The following SLC38A10 variants were observed in gnomAD, a reference collection of about 807,000 sequenced individuals.
The protein encoded by SLC38A10 is Sodium-coupled neutral amino acid transporter 10.
In SLC38A10, 53 loss-of-function variants were observed where a neutral mutation model predicts 81.0. The ratio of observed to expected loss-of-function variants is 0.65; its 90% CI spans 0.53 to 0.82. The LOEUF (loss-of-function observed/expected upper bound fraction) is 0.82, where lower values mean the gene tolerates loss of function less well. SLC38A10 is among the 40% of genes least tolerant of loss of function. The pLI is 0.00. For missense variants in SLC38A10, 1,471 were observed against 1,545.0 expected, an observed-to-expected ratio of 0.95 and a Z score of 0.80; for synonymous variants, 665 against 655.3, an observed-to-expected ratio of 1.01 and a Z score of -0.23.
intron 14 of SLC38A10, among the ~76,000 whole-genome samples, chr17:81,250,479 T>C (rs1303391187): frequency 6.6e-6 from 1 of 152,240 alleles, no homozygotes; most frequent in East Asian, 1.9e-4. Context: ...ACGAACATCC[T>C]GGGAGGTGCC....
chr17:81,292,459 CA>C (rs370234099), intron 1 of SLC38A10, among the ~76,000 whole-genome samples: 69 of 144,460 alleles, frequency 4.8e-4, no homozygotes, highest in Admixed American at 1.1e-3. Flanking sequence ...ACTACTAAAA[CA>C]AAAAAAAAAA....
rs945938483 is a variant in SLC38A10 at position 81,265,425 on chromosome 17, CTT to C, written c.1132-5033_1132-5032del. The stretch of plus-strand genomic sequence containing the variant: ...ACAAAACACTTGGTGGCAAATGTAT[CTT>C]TTCGATTCCCTCAGGGCCGACCTAT... On this transcript the variant is annotated intron_variant, in intron 10 of 15. Transcript: ENST00000374759. This position sits in a 1 kb window ranked among gnomAD's most constrained non-coding sequence, Gnocchi z 4.2. 2 of 152,236 alleles carry C rather than the reference CTT, an allele frequency of 1.3e-5. No individual in the cohort carries two copies. Among genetic ancestry groups the C allele is most frequent in the African/African-American group, 2.4e-5 (1 of 41,462 alleles). The allele number at this position is 152,236 out of a possible 1,614,324, so 9.4% of individuals were successfully genotyped here. A position where few individuals can be genotyped will look rare whatever the true frequency, so the allele number is the denominator to read the frequency against.
At chr17:81,271,991 T>C (rs894256162) in intron 9 of SLC38A10, among the ~76,000 whole-genome samples, 1 of 152,044 alleles carries the variant, frequency 6.6e-6, no homozygotes, top group East Asian at 1.9e-4. Context: ...CCTCCCAAAC[T>C]GCGGGGATTA....
chr17:81,260,526 C>A, intron 10 of SLC38A10, 132 bp from the exon 11 acceptor site: 1 of 1,247,048 alleles, frequency 8.0e-7, no homozygotes, highest in South Asian at 1.6e-5. Context: ...CAAAGTCCCC[C>A]GAGGACGGGA....
chr17:81,248,242 C>G (rs1203879845), intron 14 of SLC38A10, among the ~76,000 whole-genome samples: 2 of 152,198 alleles, frequency 1.3e-5, no homozygotes, highest in African/African-American at 4.8e-5. Flanking sequence ...CAGGCATGAG[C>G]CACCGCACCC....
intron 9 of SLC38A10, among the ~76,000 whole-genome samples, chr17:81,272,249 C>T (rs1370606484): frequency 6.6e-6 from 1 of 152,088 alleles, no homozygotes; most frequent in Non-Finnish European, 1.5e-5. Flanking sequence ...TCAGGCTGGT[C>T]TTGAACTCCC....
At chr17:81,274,413 A>G (rs779124898) in intron 8 of SLC38A10, among the ~76,000 whole-genome samples, 9 of 152,228 alleles carry the variant, frequency 5.9e-5, no homozygotes, top group Admixed American at 2.0e-4. Flanking sequence ...ACCGCCCCCA[A>G]TGTGGCTGCT....
chr17:81,250,203 G>A, intron 14 of SLC38A10: 2 of 1,108,604 alleles, frequency 1.8e-6, no homozygotes, highest in African/African-American at 1.6e-5. Flanking sequence ...AGGTAACAGA[G>A]CATAGGAATT....
chr17:81,287,922 G>T (rs766019930), intron 2 of SLC38A10, among the ~76,000 whole-genome samples: 1 of 152,220 alleles, frequency 6.6e-6, no homozygotes, highest in African/African-American at 2.4e-5. Flanking sequence ...GGGTCGCCCT[G>T]CAGGCCACAG....
At position 81,286,644 on chromosome 17, in the gene SLC38A10, C is replaced by A. The variant is rs971091357; in HGVS notation, c.218-1749G>T. 6.6e-6 allele frequency among the ~76,000 whole-genome samples: 1 copy of A among 152,244 alleles called. No individual in the cohort carries two copies. Among genetic ancestry groups the A allele is most frequent in the African/African-American group, 2.4e-5 (1 of 41,460 alleles). On this transcript the variant is annotated intron_variant, in intron 2 of 15. Transcript: ENST00000374759. This position sits in a 1 kb window ranked among gnomAD's most constrained non-coding sequence, Gnocchi z 6.0. The stretch of plus-strand genomic sequence containing the variant: ...TGGACTCCCAGTGCGGGCCCAGCCC[C>A]TGCCAGGCTGGAGGTATCTGTGAGC...
chr17:81,253,911 T>C lies in SLC38A10; in HGVS notation c.1289-671A>G, dbSNP rs918282363. On this transcript the variant is annotated intron_variant, in intron 11 of 15. Transcript: ENST00000374759. The surrounding 1 kb of genome is among the most constrained non-coding windows in gnomAD (Gnocchi z 4.1). ...TCACCACTACCATCACCACCATCAC[T>C]GCCAACCCTACCATCATTGCCATCA... 2.0e-5 allele frequency among the ~76,000 whole-genome samples: 3 copies of C among 150,412 alleles called. No homozygotes were observed. Among genetic ancestry groups the C allele is most frequent in the Admixed American group, 6.6e-5 (1 of 15,100 alleles).
In SLC38A10 at chr17:81,290,682, G is replaced by T. The variant is rs1042962308; in HGVS notation, c.100-874C>A. ...CTGTGTGTTCTGTTTGACTGTGGTG[G>T]TTACACAGCAAGCCCATGACCTGCA... is the stretch of plus-strand genomic sequence containing the variant. On this transcript the variant is annotated intron_variant, in intron 1 of 15. Coordinates refer to ENST00000374759, the MANE Select transcript of SLC38A10 (RefSeq NM_001037984.3). 2.6e-5 allele frequency among the ~76,000 whole-genome samples: 4 copies of T among 152,288 alleles called. No homozygotes were observed. In the South Asian group the frequency reaches 6.2e-4, roughly 24 times the overall value.
intron 1 of SLC38A10, among the ~76,000 whole-genome samples, chr17:81,291,486 C>CA (rs397856930): frequency 8.8e-4 from 99 of 111,982 alleles, no homozygotes; most frequent in Middle Eastern, 0.012. Flanking sequence ...GACTCCATCT[C>CA]AAAAAAAAAA....
Position 81,289,615 on chromosome 17 carries a change from GTAAATAAA to G in SLC38A10, c.217+68_217+75del. The G allele has an allele frequency of 1.0e-6, 1 of 982,726 alleles. No individual in the cohort carries two copies. Among genetic ancestry groups the G allele is most frequent in the Non-Finnish European group, 1.4e-6 (1 of 699,814 alleles). The allele number at this position is 982,726 out of a possible 1,614,324, so 60.9% of individuals were successfully genotyped here. The stretch of plus-strand genomic sequence containing the variant: ...AGGAATTCTTGAAGAATCAAGTAGA[GTAAATAAA>G]TAAATAAATAAATGGAATAAGGCCC... On this transcript the variant is annotated intron_variant, in intron 2 of 15. Coordinates refer to ENST00000374759, the MANE Select transcript of SLC38A10 (RefSeq NM_001037984.3). The surrounding 1 kb of genome is among the most constrained non-coding windows in gnomAD (Gnocchi z 5.9).
In SLC38A10 at chr17:81,247,015, C is replaced by A; in HGVS notation, c.2112G>T (p.Val704=). 6.2e-7 allele frequency: 1 copy of A among 1,603,706 alleles called. No homozygotes were observed. The highest frequency in any genetic ancestry group is 1.1e-5 in the South Asian group (1 of 90,916). Reference sequence around the variant, plus strand: ...TTTGCTGCACCTGCTGTTCTTTGATCACCTGAAGCAGGACGGCGTGGTCCA... The same window carrying A: ...TTTGCTGCACCTGCTGTTCTTTGATAACCTGAAGCAGGACGGCGTGGTCCA... ...EMLDHAVLLQ[V]IKEQQVQQKR... The change falls in exon 15 of 16, where the codon GTG becomes GTT. Residue 704 remains valine, a synonymous_variant. Transcript: ENST00000374759.
rs1164317736 is a variant in SLC38A10 at position 81,270,950 on chromosome 17, T to C, written c.1099A>G (p.Lys367Glu). The change falls in exon 10 of 16, where the codon AAG (lysine) becomes GAG (glutamate). Residue 367 changes from lysine to glutamate, a missense_variant. Transcript: ENST00000374759. This position sits in a 1 kb window ranked among gnomAD's most constrained non-coding sequence, Gnocchi z 4.0. ...GAAAGTGCGTTCTTGTGGATTTTCT[T>C]GTAGATCAGCGCCGGGCAGATGAAG... ...ICFICPALIYKKIHKNALSSQ... is the reference protein window; with the variant it reads ...ICFICPALIYEKIHKNALSSQ... 4 of 1,613,922 alleles carry C rather than the reference T, an allele frequency of 2.5e-6. No individual in the cohort carries two copies. Among genetic ancestry groups the C allele is most frequent in the South Asian group, 1.1e-5 (1 of 91,074 alleles).
chr17:81,268,306 C>G (rs1400124481), intron 10 of SLC38A10, among the ~76,000 whole-genome samples: 1 of 152,026 alleles, frequency 6.6e-6, no homozygotes, highest in Non-Finnish European at 1.5e-5. Context: ...AACACAACAT[C>G]TGCAAAATAC....
In SLC38A10 at chr17:81,260,309, G is replaced by A; in HGVS notation, c.1217C>T (p.Ala406Val). The A allele has an allele frequency of 1.2e-6, 2 of 1,608,262 alleles. No individual in the cohort carries two copies. The highest frequency in any genetic ancestry group is 1.7e-6 in the Non-Finnish European group (2 of 1,178,072). ...SVSEEVPEDL[A>V]EEAPGGRLGE... ...AAGCCGGCCGCCAGGGGCTTCCTCTGCCAAGTCCTCGGGGACCTCCTCGCT... is the reference window on the plus strand; with the variant it reads ...AAGCCGGCCGCCAGGGGCTTCCTCTACCAAGTCCTCGGGGACCTCCTCGCT... The change falls in exon 11 of 16, where the codon GCA (alanine) becomes GTA (valine). Residue 406 changes from alanine (A) to valine (V), a missense_variant. By Grantham distance (64) the Ala-to-Val change is moderately conservative. Around this residue, in one of 2 missense-constraint regions of SLC38A10, gnomAD observed 720 missense variants for 827.7 expected, o/e 0.87. Coordinates refer to ENST00000374759, the MANE Select transcript of SLC38A10 (RefSeq NM_001037984.3).
At chr17:81,294,460 G>A (rs2063332600) in intron 1 of SLC38A10, among the ~76,000 whole-genome samples, 1 of 152,178 alleles carries the variant, frequency 6.6e-6, no homozygotes, top group South Asian at 2.1e-4. Context: ...TCTGAAGACA[G>A]GTGCAGTTGG....
Sources: gnomAD v4.1 joint callset for allele counts (sites outside exome capture counted in the v4.1 genomes callset) on GRCh38, gnomAD v4.1.1 for gene constraint, gnomAD v4.1.1 regional missense constraint, Gnocchi (gnomAD v3.1) non-coding constraint, MANE v1.5 for transcripts, NCBI Gene and HGNC (gene_info 2026-07-23, HGNC 2026-07-21) for gene names.